The following GALNT13 variants were observed in gnomAD, a reference collection of about 807,000 sequenced individuals.
GALNT13 encodes the protein UDP-GalNAc:polypeptide N-acetylgalactosaminyltransferase 13.
Under a neutral mutation model 64.2 loss-of-function variants are expected in GALNT13, and 28 were observed. The ratio of observed to expected loss-of-function variants is 0.44; its 90% CI spans 0.32 to 0.60. GALNT13 has a LOEUF of 0.60. Among genes scored for constraint, GALNT13 ranks in the 20% least tolerant of loss-of-function variants. The pLI is 0.05. For missense variants in GALNT13, 577 were observed against 669.8 expected (o/e 0.86, Z 1.53); for synonymous variants, 214 against 224.6 (o/e 0.95, Z 0.42).
At chr2:154,069,966 T>C (rs1027346112) in intron 3 of GALNT13, among the ~76,000 whole-genome samples, 1 of 152,136 alleles carries the variant, frequency 6.6e-6, no homozygotes, top group African/African-American at 2.4e-5. Context: ...CTGAGAAAGT[T>C]TTATTAGAAT....
chr2:153,466,861 C>A, the GALNT13 span, among the ~76,000 whole-genome samples: 1 of 151,948 alleles, frequency 6.6e-6, no homozygotes, highest in African/African-American at 2.4e-5. Context: ...AACATATTAT[C>A]CCTCTGCACT....
chr2:153,276,352 T>G, the GALNT13 span, among the ~76,000 whole-genome samples: 26 of 152,238 alleles, frequency 1.7e-4, no homozygotes, highest in Admixed American at 1.6e-3. Flanking sequence ...AGCATCCTCT[T>G]GAAAAACACA....
intron 2 of GALNT13, among the ~76,000 whole-genome samples, chr2:153,924,693 C>G (rs1277484333): frequency 2.6e-5 from 4 of 152,130 alleles, no homozygotes; most frequent in African/African-American, 9.7e-5. Flanking sequence ...TATAAGCGTC[C>G]CTTTTTCTCC....
the GALNT13 span, among the ~76,000 whole-genome samples, chr2:153,532,331 C>G: frequency 6.6e-6 from 1 of 152,114 alleles, no homozygotes; most frequent in Non-Finnish European, 1.5e-5. Context: ...CTTTTTGAGC[C>G]ACGGCTAGAG....
intron 4 of GALNT13, among the ~76,000 whole-genome samples, chr2:154,233,834 A>G (rs1689056064): frequency 1.3e-5 from 2 of 152,094 alleles, no homozygotes. Context: ...GGGGTGCAAG[A>G]TGGCAGATAG....
At chr2:153,656,734 A>G in the GALNT13 span, among the ~76,000 whole-genome samples, 1 of 152,022 alleles carries the variant, frequency 6.6e-6, no homozygotes, top group South Asian at 2.1e-4. Flanking sequence ...ATCATGATGG[A>G]GAGTGTTATT....
chr2:154,433,484 GA>G (rs1268998511), intron 11 of GALNT13, among the ~76,000 whole-genome samples: 1 of 151,438 alleles, frequency 6.6e-6, no homozygotes, highest in Non-Finnish European at 1.5e-5. Flanking sequence ...CACTCTGGAA[GA>G]ATAAAAAAAT....
At chr2:154,198,764 G>A (rs903959185) in intron 4 of GALNT13, among the ~76,000 whole-genome samples, 3 of 151,926 alleles carry the variant, frequency 2.0e-5, no homozygotes, top group Admixed American at 6.6e-5. Flanking sequence ...GGAACTGAAG[G>A]GTCAAGGACT....
At chr2:153,248,609 G>T in the GALNT13 span, among the ~76,000 whole-genome samples, 3 of 151,104 alleles carry the variant, frequency 2.0e-5, no homozygotes, top group African/African-American at 2.4e-5. Context: ...GTCAGGAGAT[G>T]GCGACCATCC....
chr2:153,312,930 C>T, the GALNT13 span, among the ~76,000 whole-genome samples: 8 of 151,950 alleles, frequency 5.3e-5, no homozygotes, highest in East Asian at 3.9e-4. Context: ...ATATTACCAG[C>T]GAATATGAGA....
the GALNT13 span, among the ~76,000 whole-genome samples, chr2:153,093,831 T>G: frequency 9.3e-4 from 142 of 152,260 alleles, no homozygotes; most frequent in Non-Finnish European, 1.6e-3. Flanking sequence ...TGGGAGACTT[T>G]TTATTATAAC....
chr2:154,308,307 A>G (rs1486676407), intron 9 of GALNT13, among the ~76,000 whole-genome samples: 1 of 152,160 alleles, frequency 6.6e-6, no homozygotes, highest in Admixed American at 6.6e-5. Context: ...AAGAAAAATC[A>G]ACTCACCAAA....
chr2:154,388,749 T>C (rs775343), intron 9 of GALNT13, among the ~76,000 whole-genome samples: 62,143 of 151,928 alleles, frequency 0.41, 13,281 homozygotes, highest in African/African-American at 0.53. Context: ...ATGAAGTTCA[T>C]AATTACAATT....
At chr2:154,200,616 G>A (rs1399600030) in intron 4 of GALNT13, among the ~76,000 whole-genome samples, 1 of 152,162 alleles carries the variant, frequency 6.6e-6, no homozygotes, top group Non-Finnish European at 1.5e-5. Flanking sequence ...CTGGAAGAGA[G>A]GAATGCTATG....
chr2:153,237,078 A>C, the GALNT13 span, among the ~76,000 whole-genome samples: 1 of 152,116 alleles, frequency 6.6e-6, no homozygotes, highest in East Asian at 1.9e-4. Flanking sequence ...GGGAATAGCA[A>C]AAGAACTAGA....
intron 2 of GALNT13, among the ~76,000 whole-genome samples, chr2:153,918,306 A>C (rs1351584598): frequency 2.0e-5 from 3 of 152,160 alleles, no homozygotes; most frequent in Non-Finnish European, 4.4e-5. Context: ...CTCTGGGTGA[A>C]CTTCGGTAGA....
chr2:154,133,097 A>T (rs759448221), intron 3 of GALNT13, among the ~76,000 whole-genome samples: 10 of 152,152 alleles, frequency 6.6e-5, no homozygotes, highest in Non-Finnish European at 1.2e-4. Context: ...ATCTAAACTA[A>T]ACGGTGAAAT....
chr2:153,703,626 A>G, the GALNT13 span, among the ~76,000 whole-genome samples: 1 of 152,112 alleles, frequency 6.6e-6, no homozygotes, highest in Non-Finnish European at 1.5e-5. Context: ...TTTATTACCT[A>G]AATGTAGGGT....
intron 9 of GALNT13, among the ~76,000 whole-genome samples, chr2:154,355,141 G>A (rs200187207): frequency 2.4e-4 from 37 of 152,038 alleles, no homozygotes; most frequent in Admixed American, 7.9e-4. Flanking sequence ...TTGTCCCCAC[G>A]CCCAGCCACA....
Sources: allele counts gnomAD v4.1 joint callset (sites outside exome capture counted in the v4.1 genomes callset), GRCh38; gene constraint gnomAD v4.1.1; transcripts MANE v1.5; gene names NCBI Gene and HGNC (gene_info 2026-07-23, HGNC 2026-07-21).